Variants in SLC25A21 observed in about 807,000 individuals in gnomAD.
The protein encoded by SLC25A21 is solute carrier family 25 member 21, also known as mitochondrial 2-oxodicarboxylate carrier.
A neutral mutation model predicts 43.8 loss-of-function variants in SLC25A21; 47 were observed. That is an observed-to-expected ratio of 1.07 (90% CI 0.85 to 1.37). The LOEUF (loss-of-function observed/expected upper bound fraction) is 1.37, where lower values mean the gene tolerates loss of function less well. SLC25A21 is among the 40% of genes most tolerant of loss of function. The pLI is 0.00. For missense variants in SLC25A21, 352 were observed against 350.2 expected (o/e 1.00, Z -0.04); for synonymous variants, 131 against 121.3 (o/e 1.08, Z -0.52).
At chr14:36,925,034 A>T (rs1412856047) in intron 1 of SLC25A21, among the ~76,000 whole-genome samples, 3 of 152,162 alleles carry the variant, frequency 2.0e-5, no homozygotes, top group African/African-American at 7.2e-5. Context: ...CGGTAGACTA[A>T]CTTAAGGTTA....
At chr14:36,776,705 G>C (rs979950327) in intron 3 of SLC25A21, among the ~76,000 whole-genome samples, 3 of 152,080 alleles carry the variant, frequency 2.0e-5, no homozygotes, top group Non-Finnish European at 4.4e-5. Context: ...GGTGGTATTT[G>C]CAACCTTCAT....
At chr14:37,002,580 A>C (rs1297453438) in intron 1 of SLC25A21, among the ~76,000 whole-genome samples, 1 of 152,178 alleles carries the variant, frequency 6.6e-6, no homozygotes, top group Non-Finnish European at 1.5e-5. Flanking sequence ...GCTTGTCTGT[A>C]AACTGGGGTT....
chr14:36,821,863 A>AAAT (rs1888647717), intron 2 of SLC25A21, among the ~76,000 whole-genome samples: 1 of 152,086 alleles, frequency 6.6e-6, no homozygotes, highest in African/African-American at 2.4e-5. Flanking sequence ...AACAAAACAA[A>AAAT]AATAATAATA....
At chr14:36,984,982 A>G in intron 1 of SLC25A21, among the ~76,000 whole-genome samples, 1 of 151,512 alleles carries the variant, frequency 6.6e-6, no homozygotes, top group East Asian at 1.9e-4. Flanking sequence ...TACACCATGG[A>G]ATACTATGCA....
chr14:36,717,318 T>C (rs958108804), intron 6 of SLC25A21, among the ~76,000 whole-genome samples: 1 of 152,236 alleles, frequency 6.6e-6, no homozygotes, highest in Non-Finnish European at 1.5e-5. Context: ...AAATTCATCA[T>C]TACAGTTTGT....
chr14:36,817,276 T>C (rs942205662), intron 2 of SLC25A21, among the ~76,000 whole-genome samples: 3 of 152,026 alleles, frequency 2.0e-5, no homozygotes, highest in Non-Finnish European at 4.4e-5. Context: ...CACTGGGTCG[T>C]CCAGGTGTTC....
chr14:36,837,239 A>G (rs1566661365), intron 2 of SLC25A21, among the ~76,000 whole-genome samples: 1 of 152,010 alleles, frequency 6.6e-6, no homozygotes, highest in Non-Finnish European at 1.5e-5. Flanking sequence ...ACTGGAGAAC[A>G]CTGAGCTGGG....
In SLC25A21 at chr14:37,102,088, T is replaced by C. The variant is rs570586364; in HGVS notation, c.70+70193A>G. 1.9e-3 allele frequency among the ~76,000 whole-genome samples: 282 copies of C among 152,312 alleles called. 1 individual carries two copies. The highest frequency in any genetic ancestry group is 6.7e-3 in the African/African-American group (278 of 41,572). ...ATTATTGGAAAACAGTATAACTTTA[T>C]TATATGTATAAGTTAACAGCAGTTA... On this transcript the variant is annotated intron_variant, in intron 1 of 9. Coordinates refer to ENST00000331299, the MANE Select transcript of SLC25A21 (RefSeq NM_030631.4).
chr14:37,054,489 T>C (rs925481774), intron 1 of SLC25A21, among the ~76,000 whole-genome samples: 2 of 152,212 alleles, frequency 1.3e-5, no homozygotes, highest in African/African-American at 4.8e-5. Flanking sequence ...TATCTGGAAA[T>C]AGAGTTCTGC....
chr14:37,017,951 T>G (rs1444887063), intron 1 of SLC25A21, among the ~76,000 whole-genome samples: 1 of 151,974 alleles, frequency 6.6e-6, no homozygotes, highest in Admixed American at 6.6e-5. Context: ...TACCTAAATT[T>G]TCATCCAGCA....
At chr14:36,832,882 C>A in intron 2 of SLC25A21, among the ~76,000 whole-genome samples, 1 of 152,052 alleles carries the variant, frequency 6.6e-6, no homozygotes. Flanking sequence ...TGTGATTAAG[C>A]AATAAAGAAT....
intron 3 of SLC25A21, among the ~76,000 whole-genome samples, chr14:36,811,010 T>C (rs1157502881): frequency 1.2e-5 from 1 of 80,510 alleles, no homozygotes; most frequent in African/African-American, 3.9e-5. Context: ...AGGGATAGTT[T>C]CTAGGGGAGG....
rs953290366 is a variant in SLC25A21 at position 36,965,578 on chromosome 14, T to C, written c.71-90574A>G. On this transcript the variant is annotated intron_variant, in intron 1 of 9. Transcript: ENST00000331299. ...GGCATATAAATACACACAAACCATG[T>C]AGACATACTTTCCAAATAAGAACTA... 2.0e-5 allele frequency among the ~76,000 whole-genome samples: 3 copies of C among 152,192 alleles called. No individual in the cohort carries two copies. The South Asian group carries it at 6.2e-4, about 31-fold the overall frequency.
intron 3 of SLC25A21, among the ~76,000 whole-genome samples, chr14:36,774,550 T>C (rs769157624): frequency 6.6e-6 from 1 of 152,204 alleles, no homozygotes; most frequent in Non-Finnish European, 1.5e-5. Flanking sequence ...ATCCATCTTA[T>C]TAACACAGGT....
At position 36,734,493 on chromosome 14, in the gene SLC25A21, C is replaced by G. The variant is rs1884953522; in HGVS notation, c.270+14G>C. On this transcript the variant is annotated intron_variant, in intron 4 of 9. Transcript: ENST00000331299. ...GCCCTACTTTTGCTTGGTGCGAACG[C>G]ATGCAATGCTTACCTTCACTGCTCT... 1 of 1,601,766 alleles carries G rather than the reference C, an allele frequency of 6.2e-7. No individual in the cohort carries two copies. The highest frequency in any genetic ancestry group is 2.2e-5 in the East Asian group (1 of 44,658).
intron 7 of SLC25A21, among the ~76,000 whole-genome samples, chr14:36,690,361 G>A (rs1053858937): frequency 3.3e-5 from 5 of 152,092 alleles, no homozygotes; most frequent in African/African-American, 9.7e-5. Flanking sequence ...AACCCTATGA[G>A]TTAGGCATAT....
At chr14:37,126,515 A>T (rs1172153396) in intron 1 of SLC25A21, among the ~76,000 whole-genome samples, 2 of 151,924 alleles carry the variant, frequency 1.3e-5, no homozygotes, top group African/African-American at 4.8e-5. Context: ...TATATTTTAC[A>T]TTACAAGTTT....
At chr14:37,016,378 C>T (rs1490504686) in intron 1 of SLC25A21, among the ~76,000 whole-genome samples, 1 of 152,074 alleles carries the variant, frequency 6.6e-6, no homozygotes, top group Non-Finnish European at 1.5e-5. Flanking sequence ...TTTCTGAGGG[C>T]TCTGTTCTGT....
At chr14:37,078,786 A>C (rs1302155117) in intron 1 of SLC25A21, among the ~76,000 whole-genome samples, 1 of 151,796 alleles carries the variant, frequency 6.6e-6, no homozygotes, top group East Asian at 1.9e-4. Context: ...ATTATGCGTT[A>C]TGTTCATAAA....
Sources: allele counts gnomAD v4.1 joint callset (sites outside exome capture counted in the v4.1 genomes callset), GRCh38; gene constraint gnomAD v4.1.1; transcripts MANE v1.5; gene names NCBI Gene and HGNC (gene_info 2026-07-23, HGNC 2026-07-21).